Variants in PACS1 observed in about 807,000 individuals in gnomAD.
The protein encoded by PACS1 is phosphofurin acidic cluster sorting protein 1, also known as PACS-1.
A neutral mutation model predicts 115.0 loss-of-function variants in PACS1; 24 were observed. The observed-to-expected ratio is 0.21, with a 90% CI of 0.15 to 0.29. The LOEUF is 0.29. Ranked by LOEUF, PACS1 falls within the 10% of genes least tolerant of loss-of-function variation. PACS1 has a pLI of 1.00. For synonymous variants in PACS1, 453 were observed against 504.5 expected (o/e 0.90, Z 1.37); for missense variants, 838 against 1,251.2 (o/e 0.67, Z 4.98).
intron 1 of PACS1, among the ~76,000 whole-genome samples, chr11:66,100,607 A>T (rs750604941): frequency 1.3e-5 from 2 of 152,228 alleles, no homozygotes; most frequent in African/African-American, 2.4e-5. Flanking sequence ...TCCAAAAGTT[A>T]TCACTTAAAA....
chr11:66,074,528 C>A (rs1242333814), intron 1 of PACS1, among the ~76,000 whole-genome samples: 1 of 152,176 alleles, frequency 6.6e-6, no homozygotes, highest in African/African-American at 2.4e-5. Flanking sequence ...ATTTTACAAG[C>A]ATTCAAAATT....
At chr11:66,110,951 G>A (rs757007752) in intron 1 of PACS1, among the ~76,000 whole-genome samples, 3 of 152,162 alleles carry the variant, frequency 2.0e-5, no homozygotes, top group African/African-American at 4.8e-5. Context: ...AATTGATCTC[G>A]GAGTCACTTG....
At chr11:66,151,033 A>G (rs1040985683) in intron 1 of PACS1, among the ~76,000 whole-genome samples, 4 of 152,104 alleles carry the variant, frequency 2.6e-5, no homozygotes, top group Admixed American at 2.6e-4. Flanking sequence ...TCAGGGGGGA[A>G]TCCTGGAAAC....
chr11:66,100,639 T>C, intron 1 of PACS1: 1 of 351,634 alleles, frequency 2.8e-6, no homozygotes, highest in Non-Finnish European at 5.7e-6. Flanking sequence ...CTATTTTGCA[T>C]ACAAACTGCA....
At chr11:66,176,717 A>G (rs527853498) in intron 1 of PACS1, among the ~76,000 whole-genome samples, 3 of 151,976 alleles carry the variant, frequency 2.0e-5, no homozygotes, top group East Asian at 1.9e-4. Context: ...CCCGGTCCAT[A>G]TACACTCTTA....
At chr11:66,150,355 A>G (rs1859208188) in intron 1 of PACS1, among the ~76,000 whole-genome samples, 1 of 152,206 alleles carries the variant, frequency 6.6e-6, no homozygotes, top group African/African-American at 2.4e-5. Context: ...TAAATGTAGA[A>G]CAGACTGGGT....
chr11:66,216,442 C>T, intron 5 of PACS1, 78 bp from the exon 6 acceptor site: 1 of 1,456,142 alleles, frequency 6.9e-7, no homozygotes, highest in Non-Finnish European at 9.6e-7. Context: ...CAAAGAGAAC[C>T]ATTGATTCCA....
At chr11:66,079,150 G>A (rs1011849618) in intron 1 of PACS1, among the ~76,000 whole-genome samples, 7 of 152,112 alleles carry the variant, frequency 4.6e-5, no homozygotes, top group Admixed American at 1.3e-4. Context: ...TCAAGCCCGC[G>A]TCAGCAGATT....
intron 10 of PACS1, among the ~76,000 whole-genome samples, chr11:66,222,773 C>T (rs1287016349): frequency 6.6e-6 from 1 of 152,132 alleles, no homozygotes; most frequent in Admixed American, 6.5e-5. Context: ...AAGCACGGGT[C>T]TGAAAGGGCA....
intron 1 of PACS1, among the ~76,000 whole-genome samples, chr11:66,156,909 T>A (rs995024621): frequency 6.6e-6 from 1 of 152,080 alleles, no homozygotes; most frequent in Non-Finnish European, 1.5e-5. Flanking sequence ...CAGTATTCAC[T>A]CTCTAGGTGA....
chr11:66,202,742 A>AAAAAAAATATATAT (rs1200930188), intron 2 of PACS1, among the ~76,000 whole-genome samples: 3 of 71,648 alleles, frequency 4.2e-5, no homozygotes, highest in African/African-American at 2.4e-4. Context: ...AAAAAAAAAA[A>AAAAAAAATATATAT]ATATATATAT....
chr11:66,153,753 C>T (rs1056417915), intron 1 of PACS1, among the ~76,000 whole-genome samples: 6 of 152,228 alleles, frequency 3.9e-5, no homozygotes, highest in East Asian at 1.9e-4. Context: ...TGCACTCCAG[C>T]CTGGGTGACA....
intron 1 of PACS1, among the ~76,000 whole-genome samples, chr11:66,134,006 A>G (rs556217529): frequency 4.6e-5 from 7 of 152,050 alleles, no homozygotes; most frequent in Non-Finnish European, 1.0e-4. Flanking sequence ...TGTTTATTCT[A>G]ATTTCTTAAA....
intron 1 of PACS1, among the ~76,000 whole-genome samples, chr11:66,116,394 G>A (rs1168875774): frequency 1.3e-5 from 2 of 152,180 alleles, no homozygotes; most frequent in African/African-American, 2.4e-5. Context: ...TTGTAAATAC[G>A]AAGTATTACA....
chr11:66,156,795 G>A (rs1262168232), intron 1 of PACS1, among the ~76,000 whole-genome samples: 2 of 151,490 alleles, frequency 1.3e-5, no homozygotes, highest in Non-Finnish European at 2.9e-5. Flanking sequence ...CGGAGCTTGC[G>A]CGAGCCGAGA....
At chr11:66,116,013 G>T (rs1159601200) in intron 1 of PACS1, among the ~76,000 whole-genome samples, 1 of 152,214 alleles carries the variant, frequency 6.6e-6, no homozygotes, top group Admixed American at 6.5e-5. Flanking sequence ...AATTTGAAAA[G>T]AAAGCCATTT....
chr11:66,220,558 G>A, intron 8 of PACS1, 73 bp from the exon 9 acceptor site: 1 of 1,458,980 alleles, frequency 6.9e-7, no homozygotes, highest in Non-Finnish European at 9.6e-7. Flanking sequence ...CAGCCCAGGA[G>A]AAAGGAGCTG....
rs1345197652 is a variant in PACS1 at position 66,232,955 on chromosome 11, C to A, written c.1732-5C>A. The A allele has an allele frequency of 1.2e-6, 2 of 1,607,924 alleles. No homozygotes were observed. The highest frequency in any genetic ancestry group is 1.7e-6 in the Non-Finnish European group (2 of 1,175,332). The stretch of plus-strand genomic sequence containing the variant: ...TGTCCCTGCTCTCCTCCCTCCCTAT[C>A]CCAGTATGTGGCTGAGCTGCTCCAG... On this transcript the variant is annotated splice_polypyrimidine_tract_variant and splice_region_variant and intron_variant, in intron 14 of 23. Coordinates refer to ENST00000320580, the MANE Select transcript of PACS1 (RefSeq NM_018026.4).
Position 66,232,957 on chromosome 11 carries a change from C to A in PACS1, c.1732-3C>A. ...TCCCTGCTCTCCTCCCTCCCTATCC[C>A]AGTATGTGGCTGAGCTGCTCCAGGA... On this transcript the variant is annotated splice_polypyrimidine_tract_variant and splice_region_variant and intron_variant, in intron 14 of 23. Transcript: ENST00000320580. 6.2e-7 allele frequency: 1 copy of A among 1,609,240 alleles called. No individual in the cohort carries two copies. The highest frequency in any genetic ancestry group is 8.5e-7 in the Non-Finnish European group (1 of 1,176,570).
Sources: allele counts gnomAD v4.1 joint callset (sites outside exome capture counted in the v4.1 genomes callset), GRCh38; gene constraint gnomAD v4.1.1; transcripts MANE v1.5; gene names NCBI Gene and HGNC (gene_info 2026-07-23, HGNC 2026-07-21).